The following EML4 variants were observed in gnomAD, a reference collection of about 807,000 sequenced individuals.
The protein encoded by EML4 is EMAP like 4.
Under a neutral mutation model 129.0 loss-of-function variants are expected in EML4, and 72 were observed. That is an observed-to-expected ratio of 0.56 (90% confidence interval 0.46 to 0.68). The LOEUF (loss-of-function observed/expected upper bound fraction) is 0.68, where lower values mean the gene tolerates loss of function less well. Ranked by LOEUF, EML4 falls within the 30% of genes least tolerant of loss-of-function variation. The pLI, the probability that EML4 is intolerant of heterozygous loss-of-function variation, is 0.00. For synonymous variants in EML4, 532 were observed against 405.0 expected, an observed-to-expected ratio of 1.31 and a Z score of -3.77; for missense variants, 1,363 against 1,190.6, an observed-to-expected ratio of 1.14 and a Z score of -2.13.
intron 1 of EML4, among the ~76,000 whole-genome samples, chr2:42,195,874 T>C (rs1256568826): frequency 6.6e-6 from 1 of 152,226 alleles, no homozygotes; most frequent in Non-Finnish European, 1.5e-5. Context: ...TAAAGTTAAT[T>C]ATTTTTCAAT....
At position 42,272,898 on chromosome 2, in the gene EML4, T is replaced by C. The variant is rs191685143; in HGVS notation, c.668-7952T>C. Reference sequence around the variant, plus strand: ...TTGGGATAGTTTCTATTTTAAAAAATTGGACAGCCTTCAAACATATTTTAA... The same window carrying C: ...TTGGGATAGTTTCTATTTTAAAAAACTGGACAGCCTTCAAACATATTTTAA... On this transcript the variant is annotated intron_variant, in intron 6 of 22. Transcript: ENST00000318522. Among the ~76,000 whole-genome samples, 12 of 152,288 alleles carry C rather than the reference T, an allele frequency of 7.9e-5. No individual in the cohort carries two copies. The East Asian group carries it at 2.3e-3, about 29-fold the overall frequency.
At chr2:42,246,022 G>C (rs1277338224) in intron 2 of EML4, among the ~76,000 whole-genome samples, 1 of 152,146 alleles carries the variant, frequency 6.6e-6, no homozygotes, top group Non-Finnish European at 1.5e-5. Context: ...ATAGGTGGTA[G>C]GCACTCATGT....
intron 1 of EML4, among the ~76,000 whole-genome samples, chr2:42,179,340 G>T (rs181845529): frequency 1.4e-4 from 21 of 151,410 alleles, no homozygotes; most frequent in African/African-American, 5.1e-4. Context: ...AAGAGATGTG[G>T]TAACTAAATG....
intron 1 of EML4, among the ~76,000 whole-genome samples, chr2:42,191,954 A>G (rs892999830): frequency 2.0e-4 from 30 of 152,142 alleles, no homozygotes; most frequent in African/African-American, 6.7e-4. Context: ...AGCCAGGCCA[A>G]CACGGTGAAA....
chr2:42,195,583 A>G (rs1032553241), intron 1 of EML4, among the ~76,000 whole-genome samples: 1 of 152,220 alleles, frequency 6.6e-6, no homozygotes, highest in African/African-American at 2.4e-5. Flanking sequence ...GCCAATATAT[A>G]GACCATTCCA....
intron 1 of EML4, among the ~76,000 whole-genome samples, chr2:42,203,347 A>T (rs565294531): frequency 1.3e-5 from 2 of 152,244 alleles, no homozygotes; most frequent in Admixed American, 6.5e-5. Flanking sequence ...TTTTTTGTTT[A>T]TCAGAGGATC....
At chr2:42,282,021 C>T (rs532781808) in intron 7 of EML4, among the ~76,000 whole-genome samples, 12 of 152,264 alleles carry the variant, frequency 7.9e-5, no homozygotes, top group Admixed American at 2.6e-4. Context: ...ACTTATTTAT[C>T]ATTTAGGTCC....
intron 1 of EML4, among the ~76,000 whole-genome samples, chr2:42,218,352 G>T (rs1355011643): frequency 6.6e-6 from 1 of 151,836 alleles, no homozygotes; most frequent in Non-Finnish European, 1.5e-5. Context: ...ACATTATAGT[G>T]AGCCATATAA....
chr2:42,207,726 C>G (rs1437690978), intron 1 of EML4, among the ~76,000 whole-genome samples: 1 of 152,106 alleles, frequency 6.6e-6, no homozygotes, highest in Non-Finnish European at 1.5e-5. Flanking sequence ...TCACTCAGTT[C>G]TGATTGGTTG....
intron 6 of EML4, among the ~76,000 whole-genome samples, chr2:42,271,681 A>G (rs150601159): frequency 0.013 from 1,938 of 152,210 alleles, 38 homozygotes; most frequent in African/African-American, 0.045. Flanking sequence ...TTTTCATTCA[A>G]ATTACGCGTA....
At position 42,231,490 on chromosome 2, in the gene EML4, C is replaced by T. The variant is rs550843391; in HGVS notation, c.26-14015C>T. Among the ~76,000 whole-genome samples, 4 of 152,356 alleles carry T rather than the reference C, an allele frequency of 2.6e-5. No homozygotes were observed. The East Asian group carries it at 7.7e-4, about 29-fold the overall frequency. ...AAAACCACACATCTTTCTGCTCCCT[C>T]ATTCCCCACACTGTTTTTTTTCCTT... On this transcript the variant is annotated intron_variant, in intron 1 of 22. Coordinates refer to ENST00000318522, the MANE Select transcript of EML4 (RefSeq NM_019063.5).
At chr2:42,221,509 A>G (rs1261273865) in intron 1 of EML4, among the ~76,000 whole-genome samples, 1 of 147,190 alleles carries the variant, frequency 6.8e-6, no homozygotes, top group Non-Finnish European at 1.5e-5. Flanking sequence ...TCCCGGGCCC[A>G]AGCAATCCTC....
chr2:42,190,271 C>T (rs986744151), intron 1 of EML4, among the ~76,000 whole-genome samples: 2 of 152,156 alleles, frequency 1.3e-5, no homozygotes, highest in Non-Finnish European at 2.9e-5. Context: ...TTCCCTCCTC[C>T]TGCTGAGTCC....
At chr2:42,273,620 C>A (rs1049504475) in intron 6 of EML4, among the ~76,000 whole-genome samples, 16 of 152,118 alleles carry the variant, frequency 1.1e-4, no homozygotes, top group African/African-American at 3.9e-4. Context: ...ATTAAAAATT[C>A]AGGAAATTTT....
intron 1 of EML4, among the ~76,000 whole-genome samples, chr2:42,229,387 A>G (rs1674178527): frequency 6.6e-6 from 1 of 152,232 alleles, no homozygotes. Context: ...AATCCCAGAC[A>G]GTCTAAATCC....
chr2:42,232,976 C>T (rs1304487487), intron 1 of EML4, among the ~76,000 whole-genome samples: 2 of 152,188 alleles, frequency 1.3e-5, no homozygotes, highest in African/African-American at 4.8e-5. Flanking sequence ...CCTGCCTCAC[C>T]CGCCCAAAGT....
intron 1 of EML4, among the ~76,000 whole-genome samples, chr2:42,241,200 CAG>C (rs1433748825): frequency 2.0e-5 from 3 of 151,698 alleles, no homozygotes; most frequent in African/African-American, 7.3e-5. Context: ...AGTGTAATAC[CAG>C]AGTTAATGCA....
chr2:42,292,932 A>T (rs1667733725), intron 11 of EML4, among the ~76,000 whole-genome samples: 1 of 152,034 alleles, frequency 6.6e-6, no homozygotes, highest in African/African-American at 2.4e-5. Context: ...TGATTATCTT[A>T]ATTTGGCCTA....
intron 17 of EML4, among the ~76,000 whole-genome samples, chr2:42,314,318 C>G (rs765542449): frequency 1.3e-5 from 2 of 152,012 alleles, no homozygotes; most frequent in Non-Finnish European, 2.9e-5. Context: ...AAGATCGTGC[C>G]ACTGCACTCC....
Sources: gnomAD v4.1 joint callset for allele counts (sites outside exome capture counted in the v4.1 genomes callset) on GRCh38, gnomAD v4.1.1 for gene constraint, MANE v1.5 for transcripts, NCBI Gene and HGNC (gene_info 2026-07-23, HGNC 2026-07-21) for gene names.